ZNF839: variants seen among roughly 807,000 people sequenced by gnomAD.
ZNF839 encodes the protein renal carcinoma antigen NY-REN-50.
Under a neutral mutation model 56.4 loss-of-function variants are expected in ZNF839, and 38 were observed. The ratio of observed to expected loss-of-function variants is 0.67; its 90% CI spans 0.52 to 0.88. The LOEUF is 0.88. ZNF839 is among the 40% of genes least tolerant of loss of function. ZNF839 has a pLI of 0.00. For missense variants in ZNF839, 1,091 were observed against 1,177.6 expected (o/e 0.93, Z 1.08); for synonymous variants, 486 against 493.5 (o/e 0.98, Z 0.20).
intron 1 of ZNF839, among the ~76,000 whole-genome samples, chr14:102,323,725 C>T (rs1046882369): frequency 3.3e-5 from 5 of 152,148 alleles, no homozygotes; most frequent in Admixed American, 2.6e-4. Context: ...TGAAGATACT[C>T]AGCCCTACGC....
At chr14:102,320,771 T>C (rs2073085534) in intron 1 of ZNF839, among the ~76,000 whole-genome samples, 1 of 152,212 alleles carries the variant, frequency 6.6e-6, no homozygotes. Context: ...GTTTATTTCC[T>C]GGGCCACACA....
At position 102,342,147 on chromosome 14, in the gene ZNF839, G is replaced by A. The variant is rs188964576; in HGVS notation, c.2752G>A (p.Ala918Thr). 2 of 1,611,876 alleles carry A rather than the reference G, an allele frequency of 1.2e-6. No homozygotes were observed. Among genetic ancestry groups the A allele is most frequent in the Admixed American group, 1.7e-5 (1 of 59,998 alleles). ...GGAGGACATTGTCACAGTGACTGAT[G>A]CAGAGGGGCGTGCCTGCGGATGGGC... ...QEEDIVTVTD[A>T]EGRACGWAR The change falls in exon 8 of 8, where the codon GCA becomes ACA. Residue 918 changes from alanine to threonine, a missense_variant. Physicochemically the swap from Ala to Thr is moderately conservative, Grantham distance 58. This residue lies in a region of ZNF839 where 431 missense variants were observed against 468.0 expected (regional missense o/e 0.92). Transcript: ENST00000442396.
At position 102,326,198 on chromosome 14, in the gene ZNF839, G is replaced by C. The variant is rs1231007186; in HGVS notation, c.502G>C (p.Asp168His). The C allele has an allele frequency of 1.2e-6, 2 of 1,613,796 alleles. No homozygotes were observed. Among genetic ancestry groups the C allele is most frequent in the Admixed American group, 3.3e-5 (2 of 59,990 alleles). The stretch of plus-strand genomic sequence containing the variant: ...CGAGCCACAGTCCTGCTTCCTAAGT[G>C]ACTTATGCCAACCTCCTGCTCAGGG... ...RTEPQSCFLS[D>H]LCQPPAQGFV... is the part of the protein sequence containing the mutation. Residue 168 changes from aspartate (D) to histidine (H), a missense_variant, in exon 2 of 8, where the codon GAC becomes CAC. Around this residue, in one of 3 missense-constraint regions of ZNF839, gnomAD observed 614 missense variants for 629.2 expected, o/e 0.98. Transcript: ENST00000442396. This position sits in a 1 kb window ranked among gnomAD's most constrained non-coding sequence, Gnocchi z 4.3.
At position 102,322,633 on chromosome 14, in the gene ZNF839, C is replaced by T. The variant is rs185806415; in HGVS notation, c.288+2580C>T. ...TTTCTCACCCAGGCTGGACTGATCT[C>T]GGCTCACTACAGCCTCGAACTCCCA... is the stretch of plus-strand genomic sequence containing the variant. On this transcript the variant is annotated intron_variant, in intron 1 of 7. Transcript: ENST00000442396. Among the ~76,000 whole-genome samples, 17 of 152,262 alleles carry T rather than the reference C, an allele frequency of 1.1e-4. No individual in the cohort carries two copies. In the East Asian group the frequency reaches 1.2e-3, roughly 10 times the overall value.
chr14:102,326,042 C>G lies in ZNF839; in HGVS notation c.346C>G (p.Pro116Ala). 1 of 1,613,474 alleles carries G rather than the reference C, an allele frequency of 6.2e-7. No homozygotes were observed. The highest frequency in any genetic ancestry group is 2.2e-5 in the East Asian group (1 of 44,864). ...TGGAGAAACAAAAGGTCAGGAAAGG[C>G]CAATGCTCCTACCGACCACAATCCA... The part of the protein sequence containing the change: ...TSGETKGQER[P>A]MLLPTTIQPQ... The change falls in exon 2 of 8, where the codon CCA (proline) becomes GCA (alanine). Residue 116 changes from proline to alanine, a missense_variant. Pro to Ala is a conservative substitution (Grantham distance 27). Coordinates refer to ENST00000442396, the MANE Select transcript of ZNF839 (RefSeq NM_018335.6). The surrounding 1 kb of genome is among the most constrained non-coding windows in gnomAD (Gnocchi z 4.3).
At position 102,332,824 on chromosome 14, in the gene ZNF839, C is replaced by T. The variant is rs374970027; in HGVS notation, c.1416+978C>T. ...ACTTGGGAGACTGAGGGAGGAGAAT[C>T]GCTTGAACCCAGGAGGCGGAGGTTG... On this transcript the variant is annotated intron_variant, in intron 3 of 7. Transcript: ENST00000442396. This position sits in a 1 kb window ranked among gnomAD's most constrained non-coding sequence, Gnocchi z 4.9. Among the ~76,000 whole-genome samples the T allele has an allele frequency of 2.8e-4, 43 of 152,284 alleles. 1 individual carries two copies. The highest frequency in any genetic ancestry group is 9.6e-4 in the African/African-American group (40 of 41,578).
In ZNF839 at chr14:102,326,546, T is replaced by G; in HGVS notation, c.850T>G (p.Ser284Ala). The G allele has an allele frequency of 3.1e-6, 5 of 1,613,998 alleles. No homozygotes were observed. In the Admixed American group the frequency reaches 6.7e-5, roughly 22 times the overall value. The change falls in exon 2 of 8, where the codon TCA becomes GCA. Residue 284 changes from serine to alanine, a missense_variant. This residue lies in a region of ZNF839 where 614 missense variants were observed against 629.2 expected (regional missense o/e 0.98). Transcript: ENST00000442396. This position sits in a 1 kb window ranked among gnomAD's most constrained non-coding sequence, Gnocchi z 4.3. ...TCATCTGTCAGATTCTGATGATTAC[T>G]CAGAACTCTGTGTGGAAGAAGATGA... is the stretch of plus-strand genomic sequence containing the variant. ...DGHLSDSDDY[S>A]ELCVEEDEDQ...
intron 1 of ZNF839, among the ~76,000 whole-genome samples, chr14:102,321,519 G>C (rs539541402): frequency 6.6e-6 from 1 of 152,196 alleles, no homozygotes. Flanking sequence ...TAATGGAGAC[G>C]ATATAAATTC....
In ZNF839 at chr14:102,326,991, C is replaced by T; in HGVS notation, c.1191+104C>T. 1 of 1,291,296 alleles carries T rather than the reference C, an allele frequency of 7.7e-7. No individual in the cohort carries two copies. The highest frequency in any genetic ancestry group is 1.0e-6 in the Non-Finnish European group (1 of 965,310). The allele number at this position is 1,291,296 out of a possible 1,614,324, so 80.0% of individuals were successfully genotyped here. On this transcript the variant is annotated intron_variant, in intron 2 of 7. Transcript: ENST00000442396. This position sits in a 1 kb window ranked among gnomAD's most constrained non-coding sequence, Gnocchi z 4.3. The stretch of plus-strand genomic sequence containing the variant: ...TTTTATAAAGAAAAGAGGGTTGGCT[C>T]ACGGTTCCATAGACTGTACAGGAAG...
At position 102,341,550 on chromosome 14, in the gene ZNF839, C is replaced by T; in HGVS notation, c.2155C>T (p.Gln719Ter). 1.2e-6 allele frequency: 2 copies of T among 1,612,344 alleles called. No individual in the cohort carries two copies. The highest frequency in any genetic ancestry group is 1.7e-6 in the Non-Finnish European group (2 of 1,179,016). Reference protein sequence around the residue: ...SGEPRRLTQAQVAAFPGENAL... With the variant: ...SGEPRRLTQA ...AGAGCCTAGGAGGCTGACCCAGGCACAGGTGGCAGCGTTTCCTGGAGAGAA... is the reference window on the plus strand; with the variant it reads ...AGAGCCTAGGAGGCTGACCCAGGCATAGGTGGCAGCGTTTCCTGGAGAGAA... The change falls in exon 8 of 8, where the codon CAG becomes TAG. Residue 719 changes from glutamine to a stop codon, truncating the protein, a stop_gained. Coordinates refer to ENST00000442396, the MANE Select transcript of ZNF839 (RefSeq NM_018335.6). LOFTEE classifies it low-confidence loss of function (END_TRUNC).
chr14:102,320,281 C>G (rs2073057537), intron 1 of ZNF839, among the ~76,000 whole-genome samples: 1 of 152,224 alleles, frequency 6.6e-6, no homozygotes, highest in African/African-American at 2.4e-5. Flanking sequence ...GGCCCTGTGC[C>G]TGGAACGCCC....
Position 102,339,160 on chromosome 14 carries a change from GA to G in ZNF839, c.1866del (p.Glu622AspfsTer27), listed in dbSNP as rs1236952811. 1.9e-6 allele frequency: 3 copies of G among 1,613,266 alleles called. No individual in the cohort carries two copies. The highest frequency in any genetic ancestry group is 2.5e-6 in the Non-Finnish European group (3 of 1,179,546). ...AGAAGCCCTGTCCAACGATACCACTGAATCTCTTGCTGCCAACAGCAGAGGC... is the reference window on the plus strand; with the variant it reads ...AGAAGCCCTGTCCAACGATACCACTGATCTCTTGCTGCCAACAGCAGAGGC... ...RREALSNDTT[E>X]SLAANSRGRE... On this transcript the variant is annotated frameshift_variant, in exon 7 of 8. Transcript: ENST00000442396. LOFTEE classifies it high-confidence loss of function.
In ZNF839 at chr14:102,342,030, C is replaced by A. The variant is rs773791297; in HGVS notation, c.2635C>A (p.His879Asn). 6.2e-7 allele frequency: 1 copy of A among 1,614,008 alleles called. No individual in the cohort carries two copies. The highest frequency in any genetic ancestry group is 1.1e-5 in the South Asian group (1 of 91,080). Residue 879 changes from histidine to asparagine, a missense_variant, in exon 8 of 8, where the codon CAT becomes AAT. His to Asn is a moderately conservative substitution (Grantham distance 68). This residue lies in a region of ZNF839 where 431 missense variants were observed against 468.0 expected (regional missense o/e 0.92). Transcript: ENST00000442396. The stretch of plus-strand genomic sequence containing the variant: ...GGCTTTTGAAATTTCCAATGGGAGC[C>A]ATGAGTTACTGTCTCAGGGACAGAA... ...AMAFEISNGS[H>N]ELLSQGQKQI...
chr14:102,325,855 T>G, intron 1 of ZNF839, 130 bp from the exon 2 acceptor site: 1 of 1,109,606 alleles, frequency 9.0e-7, no homozygotes, highest in South Asian at 1.5e-5. Context: ...ACAAACACAT[T>G]ACATCAACTT....
rs1289007015 is a variant in ZNF839 at position 102,319,809 on chromosome 14, G to A, written c.44G>A (p.Gly15Asp). The A allele has an allele frequency of 1.6e-6, 2 of 1,225,618 alleles. No individual in the cohort carries two copies. Among genetic ancestry groups the A allele is most frequent in the East Asian group, 3.2e-5 (1 of 31,116 alleles). The allele number at this position is 1,225,618 out of a possible 1,614,324, so 75.9% of individuals were successfully genotyped here. The change falls in exon 1 of 8, where the codon GGC becomes GAC. Residue 15 changes from glycine (G) to aspartate (D), a missense_variant. Coordinates refer to ENST00000442396, the MANE Select transcript of ZNF839 (RefSeq NM_018335.6). This position sits in a 1 kb window ranked among gnomAD's most constrained non-coding sequence, Gnocchi z 4.5. ...EPEAGGGSED[G>D]GGGGGPAPPG... ...GAGGCTGGGGGCGGCAGCGAGGATGGCGGCGGCGGCGGCGGCCCGGCTCCT... is the reference window on the plus strand; with the variant it reads ...GAGGCTGGGGGCGGCAGCGAGGATGACGGCGGCGGCGGCGGCCCGGCTCCT...
chr14:102,340,688 G>C (rs1206835001), intron 7 of ZNF839, among the ~76,000 whole-genome samples: 1 of 152,144 alleles, frequency 6.6e-6, no homozygotes, highest in Non-Finnish European at 1.5e-5. Context: ...TGTTGGGAGG[G>C]TGTGGATGTG....
chr14:102,340,193 C>T (rs1389565794), intron 7 of ZNF839, among the ~76,000 whole-genome samples: 1 of 151,346 alleles, frequency 6.6e-6, no homozygotes, highest in Admixed American at 6.6e-5. Context: ...TCAGGCTGGT[C>T]TGAAACTCCT....
In ZNF839 at chr14:102,326,335, C is replaced by T; in HGVS notation, c.639C>T (p.Asp213=). ...GSMLTPLSAS[D]PLAVTSLSSS... The stretch of plus-strand genomic sequence containing the variant: ...TGTTGACCCCTTTGTCTGCCTCTGA[C>T]CCGCTGGCAGTAACATCTCTTTCAT... The change falls in exon 2 of 8, where the codon GAC becomes GAT. Residue 213 remains aspartate, a synonymous_variant. Coordinates refer to ENST00000442396, the MANE Select transcript of ZNF839 (RefSeq NM_018335.6). This position sits in a 1 kb window ranked among gnomAD's most constrained non-coding sequence, Gnocchi z 4.3. The T allele has an allele frequency of 1.9e-6, 3 of 1,610,030 alleles. No homozygotes were observed. Among genetic ancestry groups the T allele is most frequent in the Non-Finnish European group, 2.5e-6 (3 of 1,178,046 alleles).
upstream of ZNF839, chr14:102,319,464 G>T (rs72635188): frequency 0.092 from 23,550 of 257,148 alleles, 1,726 homozygotes; most frequent in East Asian, 0.27. This position sits in a 1 kb window ranked among gnomAD's most constrained non-coding sequence, Gnocchi z 4.5. Context: ...TGGGCCAGGG[G>T]CTCTGAAACC....
Sources: gnomAD v4.1 joint callset for allele counts (sites outside exome capture counted in the v4.1 genomes callset) on GRCh38, gnomAD v4.1.1 for gene constraint, gnomAD v4.1.1 regional missense constraint, Gnocchi (gnomAD v3.1) non-coding constraint, MANE v1.5 for transcripts, NCBI Gene and HGNC (gene_info 2026-07-23, HGNC 2026-07-21) for gene names.